ANKRD55: variants seen among roughly 807,000 people sequenced by gnomAD.
ANKRD55 encodes ankyrin repeat domain-containing protein 55.
In ANKRD55, 41 loss-of-function variants were observed where a neutral mutation model predicts 60.6. The observed-to-expected ratio is 0.68, with a 90% confidence interval of 0.53 to 0.88. The LOEUF (loss-of-function observed/expected upper bound fraction) is 0.88, where lower values mean the gene tolerates loss of function less well. ANKRD55 is among the 40% of genes least tolerant of loss of function. ANKRD55 has a pLI of 0.00. For synonymous variants in ANKRD55, 264 were observed against 290.3 expected (o/e 0.91, Z 0.92); for missense variants, 732 against 767.6 (o/e 0.95, Z 0.55).
intron 7 of ANKRD55, among the ~76,000 whole-genome samples, chr5:56,141,562 T>A (rs1757767562): frequency 6.6e-6 from 1 of 152,206 alleles, no homozygotes; most frequent in South Asian, 2.1e-4. Context: ...GCTGTGACAT[T>A]TAGTAGAGAC....
At chr5:56,208,963 A>C (rs1262986633) in intron 2 of ANKRD55, among the ~76,000 whole-genome samples, 2 of 135,136 alleles carry the variant, frequency 1.5e-5, no homozygotes, top group Non-Finnish European at 1.5e-5. Context: ...GCTCTTTTTC[A>C]CTTTTTTTTT....
At chr5:56,171,189 CA>C (rs1758605603) in intron 4 of ANKRD55, among the ~76,000 whole-genome samples, 1 of 152,218 alleles carries the variant, frequency 6.6e-6, no homozygotes, top group African/African-American at 2.4e-5. Context: ...TTATTCAGGT[CA>C]GTCCCCCTCC....
chr5:56,192,799 T>A, intron 2 of ANKRD55: 1 of 895,876 alleles, frequency 1.1e-6, no homozygotes, highest in Non-Finnish European at 1.7e-6. Context: ...AAAACCTCTA[T>A]TAGCAAGTTA....
intron 2 of ANKRD55, among the ~76,000 whole-genome samples, chr5:56,230,388 G>A (rs1272584509): frequency 4.6e-5 from 7 of 152,128 alleles, no homozygotes; most frequent in African/African-American, 7.2e-5. Flanking sequence ...CCTTGCGCCC[G>A]GCCCAGATGA....
intron 8 of ANKRD55, among the ~76,000 whole-genome samples, chr5:56,123,926 G>A (rs1757155514): frequency 6.6e-6 from 1 of 152,164 alleles, no homozygotes; most frequent in African/African-American, 2.4e-5. Flanking sequence ...TGTCACAGCA[G>A]GGGGCTAAAG....
chr5:56,137,700 A>G (rs1428359510), intron 7 of ANKRD55, among the ~76,000 whole-genome samples: 170 of 152,288 alleles, frequency 1.1e-3, no homozygotes, highest in Middle Eastern at 3.4e-3. Flanking sequence ...TAAAATCAAA[A>G]ACTTCTCTGT....
intron 6 of ANKRD55, among the ~76,000 whole-genome samples, chr5:56,151,982 C>G (rs553694587): frequency 6.8e-6 from 1 of 147,730 alleles, no homozygotes; most frequent in Non-Finnish European, 1.5e-5. Context: ...CTCACTAAAG[C>G]TTTTGTGCAA....
At chr5:56,127,562 G>A (rs139677755) in intron 7 of ANKRD55, 15,690 of 984,870 alleles carry the variant, frequency 0.016, 180 homozygotes, top group Admixed American at 0.041. Context: ...GATTGGTGGC[G>A]CAGTGATGCA....
At chr5:56,153,569 G>T (rs150196631) in intron 6 of ANKRD55, among the ~76,000 whole-genome samples, 1 of 152,320 alleles carries the variant, frequency 6.6e-6, no homozygotes, top group Non-Finnish European at 1.5e-5. Flanking sequence ...GCTGGGTGCC[G>T]TGGCTCACGC....
intron 10 of ANKRD55, among the ~76,000 whole-genome samples, chr5:56,108,075 G>A (rs535551696): frequency 5.9e-5 from 9 of 151,894 alleles, no homozygotes; most frequent in Admixed American, 3.9e-4. Context: ...GCTTAACCAC[G>A]TTGCCCAGGC....
chr5:56,231,242 G>A (rs1202633230), intron 2 of ANKRD55, among the ~76,000 whole-genome samples: 1 of 152,234 alleles, frequency 6.6e-6, no homozygotes, highest in Non-Finnish European at 1.5e-5. Flanking sequence ...CCATGGGAGA[G>A]AATCCGGCCC....
chr5:56,150,854 G>A (rs987658902), intron 6 of ANKRD55, among the ~76,000 whole-genome samples: 3 of 152,168 alleles, frequency 2.0e-5, no homozygotes, highest in Non-Finnish European at 4.4e-5. Context: ...AGCTGAGATC[G>A]CACCACTGCA....
Position 56,159,912 on chromosome 5 carries a change from A to G in ANKRD55, c.423-19T>C, listed in dbSNP as rs1758283965. ...GAGGAGCCTGTAAGGAAAAAATAGG[A>G]GAAATGGCTCAAAATAACAGGCAGT... On this transcript the variant is annotated intron_variant, in intron 5 of 11. Coordinates refer to ENST00000341048, the MANE Select transcript of ANKRD55 (RefSeq NM_024669.3). 1 of 1,611,604 alleles carries G rather than the reference A, an allele frequency of 6.2e-7. No homozygotes were observed. The highest frequency in any genetic ancestry group is 1.3e-5 in the African/African-American group (1 of 75,022).
At chr5:56,202,974 T>C (rs930533971) in intron 2 of ANKRD55, among the ~76,000 whole-genome samples, 3 of 152,336 alleles carry the variant, frequency 2.0e-5, no homozygotes, top group Middle Eastern at 3.4e-3. Flanking sequence ...TTTATTTTAA[T>C]AATATTAATT....
At chr5:56,200,222 A>G (rs1759332809) in intron 2 of ANKRD55, among the ~76,000 whole-genome samples, 3 of 152,190 alleles carry the variant, frequency 2.0e-5, no homozygotes, top group African/African-American at 7.2e-5. Flanking sequence ...TCTATAACTA[A>G]GAAAGCAAGT....
intron 5 of ANKRD55, among the ~76,000 whole-genome samples, chr5:56,166,777 T>TAA (rs79845091): frequency 6.6e-6 from 1 of 151,932 alleles, no homozygotes; most frequent in African/African-American, 2.4e-5. Flanking sequence ...ATAGTAAAAT[T>TAA]AAAAAAAATG....
intron 7 of ANKRD55, among the ~76,000 whole-genome samples, chr5:56,128,992 C>T (rs1561260977): frequency 6.6e-6 from 1 of 152,222 alleles, no homozygotes; most frequent in Non-Finnish European, 1.5e-5. Flanking sequence ...ACCTCCTTTA[C>T]AGTTAATCTT....
chr5:56,207,353 C>T (rs1371724852), intron 2 of ANKRD55, among the ~76,000 whole-genome samples: 2 of 152,156 alleles, frequency 1.3e-5, no homozygotes, highest in Non-Finnish European at 2.9e-5. Context: ...TAACTACCAC[C>T]AACTGTTCTG....
At chr5:56,202,950 T>G (rs1759414197) in intron 2 of ANKRD55, among the ~76,000 whole-genome samples, 1 of 152,222 alleles carries the variant, frequency 6.6e-6, no homozygotes, top group African/African-American at 2.4e-5. Context: ...GAATGCACTT[T>G]AATAGAATGC....
Sources: allele counts gnomAD v4.1 joint callset (sites outside exome capture counted in the v4.1 genomes callset), GRCh38; gene constraint gnomAD v4.1.1; transcripts MANE v1.5; gene names NCBI Gene and HGNC (gene_info 2026-07-23, HGNC 2026-07-21).